Variants in SLC4A10 observed in about 807,000 individuals in gnomAD.
The protein encoded by SLC4A10 is solute carrier family 4 member 10.
In SLC4A10, 42 loss-of-function variants were observed where a neutral mutation model predicts 137.7. The ratio of observed to expected loss-of-function variants is 0.30; its 90% CI spans 0.24 to 0.39. SLC4A10 has a LOEUF of 0.39. SLC4A10 is among the 10% of genes least tolerant of loss of function. The pLI, the probability that SLC4A10 is intolerant of heterozygous loss-of-function variation, is 1.00. For synonymous variants in SLC4A10, 474 were observed against 464.1 expected, an observed-to-expected ratio of 1.02 and a Z score of -0.27; for missense variants, 925 against 1,355.0, an observed-to-expected ratio of 0.68 and a Z score of 4.98.
At chr2:161,633,759 T>C (rs978940885) in intron 1 of SLC4A10, among the ~76,000 whole-genome samples, 1 of 151,748 alleles carries the variant, frequency 6.6e-6, no homozygotes, top group African/African-American at 2.4e-5. Flanking sequence ...TTGACAGTAA[T>C]ATAGAAGTAT....
intron 1 of SLC4A10, among the ~76,000 whole-genome samples, chr2:161,681,265 G>T (rs746538308): frequency 1.3e-5 from 2 of 151,918 alleles, no homozygotes; most frequent in Non-Finnish European, 2.9e-5. Context: ...CCACCATTTC[G>T]CATCAGCCAT....
intron 1 of SLC4A10, among the ~76,000 whole-genome samples, chr2:161,766,574 C>A (rs763628659): frequency 1.3e-5 from 2 of 152,098 alleles, no homozygotes. Flanking sequence ...TTCTGCCTAA[C>A]AGCACCTCAG....
chr2:161,846,557 C>A lies in SLC4A10; in HGVS notation c.416+6630C>A, dbSNP rs548131204. Among the ~76,000 whole-genome samples, 5 of 152,270 alleles carry A rather than the reference C, an allele frequency of 3.3e-5. No individual in the cohort carries two copies. In the South Asian group the frequency reaches 1.0e-3, roughly 32 times the overall value. On this transcript the variant is annotated intron_variant, in intron 4 of 26. Coordinates refer to ENST00000446997, the MANE Select transcript of SLC4A10 (RefSeq NM_001178015.2). ...AGCAAATTTATTTGTAATGGCAAAA[C>A]CTGCAAACAACCTGAATGTCCCCCA...
chr2:161,648,672 C>T (rs1441957352), intron 1 of SLC4A10, among the ~76,000 whole-genome samples: 3 of 152,188 alleles, frequency 2.0e-5, no homozygotes, highest in Non-Finnish European at 4.4e-5. Context: ...TGCTTCCAGA[C>T]CTGGCATGTA....
intron 1 of SLC4A10, among the ~76,000 whole-genome samples, chr2:161,672,233 G>T (rs977768931): frequency 6.6e-6 from 1 of 152,026 alleles, no homozygotes; most frequent in Non-Finnish European, 1.5e-5. Flanking sequence ...GATGAAATAA[G>T]ATTTGAGTAA....
chr2:161,705,591 A>G (rs571033519), intron 1 of SLC4A10, among the ~76,000 whole-genome samples: 1 of 151,712 alleles, frequency 6.6e-6, no homozygotes, highest in African/African-American at 2.4e-5. Context: ...TCACCAATAT[A>G]AGGGCATTAG....
intron 1 of SLC4A10, among the ~76,000 whole-genome samples, chr2:161,686,258 GCA>G (rs2041393206): frequency 6.6e-6 from 1 of 152,126 alleles, no homozygotes; most frequent in African/African-American, 2.4e-5. Context: ...AGTTTTAAAA[GCA>G]CATTGTTATG....
intron 1 of SLC4A10, among the ~76,000 whole-genome samples, chr2:161,736,157 A>T (rs558706566): frequency 2.4e-4 from 36 of 152,056 alleles, no homozygotes; most frequent in Non-Finnish European, 4.6e-4. Context: ...TAGATGATTA[A>T]TCTTTTATTT....
chr2:161,764,068 G>C (rs1158779990), intron 1 of SLC4A10, among the ~76,000 whole-genome samples: 5 of 152,056 alleles, frequency 3.3e-5, no homozygotes, highest in Admixed American at 3.3e-4. Context: ...GTTATCCATT[G>C]CCAATAATTA....
At chr2:161,643,875 T>C (rs2035638603) in intron 1 of SLC4A10, among the ~76,000 whole-genome samples, 1 of 152,086 alleles carries the variant, frequency 6.6e-6, no homozygotes, top group South Asian at 2.1e-4. Flanking sequence ...TAGGTTCAAA[T>C]TAGGGGTGGG....
At chr2:161,933,213 TTCTTTCTTTCTTTC>T (rs1690853838) in intron 15 of SLC4A10, among the ~76,000 whole-genome samples, 2 of 146,388 alleles carry the variant, frequency 1.4e-5, no homozygotes, top group Non-Finnish European at 3.0e-5. Context: ...CTTTCTTTCT[TTCTTTCTTTCTTTC>T]TTTCTTTCTT....
At chr2:161,928,649 CAAAA>C (rs34327479) in intron 15 of SLC4A10, among the ~76,000 whole-genome samples, 4 of 99,290 alleles carry the variant, frequency 4.0e-5, no homozygotes, top group Non-Finnish European at 6.1e-5. Context: ...TCCTTGAAAG[CAAAA>C]AAAAAAAAAA....
intron 1 of SLC4A10, among the ~76,000 whole-genome samples, chr2:161,694,298 T>G (rs2042276398): frequency 6.6e-6 from 1 of 152,014 alleles, no homozygotes; most frequent in Non-Finnish European, 1.5e-5. Context: ...AAAACTTGCA[T>G]GTACAGCTCA....
At chr2:161,747,874 T>A (rs1377882337) in intron 1 of SLC4A10, among the ~76,000 whole-genome samples, 1 of 152,210 alleles carries the variant, frequency 6.6e-6, no homozygotes, top group African/African-American at 2.4e-5. Context: ...AGCTCCATAC[T>A]GTTTTCCATA....
intron 1 of SLC4A10, among the ~76,000 whole-genome samples, chr2:161,745,448 G>A (rs796476801): frequency 5.2e-4 from 79 of 152,160 alleles, no homozygotes; most frequent in African/African-American, 1.7e-3. Flanking sequence ...TTATCTGATA[G>A]GATTCTGAAT....
At chr2:161,652,701 T>C (rs1339657987) in intron 1 of SLC4A10, among the ~76,000 whole-genome samples, 1 of 152,162 alleles carries the variant, frequency 6.6e-6, no homozygotes, top group Non-Finnish European at 1.5e-5. Context: ...CTAGAAATTT[T>C]TCAGTTTGCA....
intron 23 of SLC4A10, among the ~76,000 whole-genome samples, chr2:161,966,578 G>A (rs1037268702): frequency 2.5e-4 from 38 of 151,798 alleles, no homozygotes; most frequent in Non-Finnish European, 2.8e-4. Flanking sequence ...GTGAAACCCC[G>A]TGTCCACTAA....
chr2:161,752,280 C>A (rs2049067541), intron 1 of SLC4A10, among the ~76,000 whole-genome samples: 1 of 151,478 alleles, frequency 6.6e-6, no homozygotes. Flanking sequence ...ATTTTTTTGC[C>A]TTATCTAATT....
At chr2:161,698,930 T>C (rs1365346595) in intron 1 of SLC4A10, among the ~76,000 whole-genome samples, 1 of 152,192 alleles carries the variant, frequency 6.6e-6, no homozygotes, top group Non-Finnish European at 1.5e-5. Context: ...TGTGAATCTG[T>C]CTGGTCCTGT....
Sources: allele counts gnomAD v4.1 joint callset (sites outside exome capture counted in the v4.1 genomes callset), GRCh38; gene constraint gnomAD v4.1.1; transcripts MANE v1.5; gene names NCBI Gene and HGNC (gene_info 2026-07-23, HGNC 2026-07-21).